Variants in TMOD3 observed in about 807,000 individuals in gnomAD.
The protein encoded by TMOD3 is tropomodulin-3.
Under a neutral mutation model 39.2 loss-of-function variants are expected in TMOD3, and 20 were observed. That is an observed-to-expected ratio of 0.51 (90% CI 0.36 to 0.74). The LOEUF is 0.74. Among genes scored for constraint, TMOD3 ranks in the 30% least tolerant of loss-of-function variants. TMOD3 has a pLI of 0.00. For synonymous variants in TMOD3, 143 were observed against 145.8 expected (o/e 0.98, Z 0.14); for missense variants, 381 against 412.8 (o/e 0.92, Z 0.67).
At chr15:51,873,663 C>T (rs1268008320) in intron 3 of TMOD3, among the ~76,000 whole-genome samples, 1 of 151,798 alleles carries the variant, frequency 6.6e-6, no homozygotes, top group Non-Finnish European at 1.5e-5. Flanking sequence ...ATAGTGAGCT[C>T]TCATCGTAAA....
chr15:51,860,850 T>G, intron 1 of TMOD3: 5 of 369,686 alleles, frequency 1.4e-5, no homozygotes, highest in South Asian at 2.1e-5. Flanking sequence ...ACAGGAGAAT[T>G]GCTTGAACCC....
intron 8 of TMOD3, among the ~76,000 whole-genome samples, 163 bp downstream of exon 8, chr15:51,900,461 C>G (rs560574815): frequency 2.6e-5 from 4 of 152,100 alleles, no homozygotes; most frequent in Non-Finnish European, 5.9e-5. Flanking sequence ...AATATTAACT[C>G]AGTGTATATA....
intron 3 of TMOD3, among the ~76,000 whole-genome samples, chr15:51,874,784 G>C (rs2056493289): frequency 6.6e-6 from 1 of 152,082 alleles, no homozygotes; most frequent in Non-Finnish European, 1.5e-5. Flanking sequence ...TTATTTCACG[G>C]ATGGACCAGA....
At position 51,912,478 on chromosome 15, in the gene TMOD3, G is replaced by A. The variant is rs940440423; in HGVS notation, c.*3668G>A. On this transcript the variant is annotated 3_prime_UTR_variant, in exon 10 of 10. Transcript: ENST00000308580. ...TATAAAATGTTACTCATATCATATT[G>A]TACGTTATATTTAACTCTTGCTGTC... 1 of 149,484 alleles carries A rather than the reference G, an allele frequency of 6.7e-6. No individual in the cohort carries two copies. Among genetic ancestry groups the A allele is most frequent in the African/African-American group, 2.5e-5 (1 of 40,520 alleles). The allele number at this position is 149,484 out of a possible 1,614,324, so 9.3% of individuals were successfully genotyped here. A position where few individuals can be genotyped will look rare whatever the true frequency, so the allele number is the denominator to read the frequency against.
intron 3 of TMOD3, among the ~76,000 whole-genome samples, chr15:51,877,892 G>GTT (rs918051724): frequency 6.8e-6 from 1 of 148,020 alleles, no homozygotes. Context: ...GCTTTCAGAA[G>GTT]TTTTTTTTTT....
At chr15:51,894,344 A>C (rs2056610405) in intron 6 of TMOD3, among the ~76,000 whole-genome samples, 1 of 152,166 alleles carries the variant, frequency 6.6e-6, no homozygotes, top group African/African-American at 2.4e-5. Context: ...TGAGCCCAAA[A>C]GTTTGAGACC....
At chr15:51,839,742 C>T (rs956759413) in intron 1 of TMOD3, among the ~76,000 whole-genome samples, 11 of 152,004 alleles carry the variant, frequency 7.2e-5, no homozygotes, top group Admixed American at 6.6e-5. Context: ...ATTTTTAATA[C>T]TTAAAATGAA....
chr15:51,900,981 A>G (rs1202868044), intron 8 of TMOD3: 1 of 152,188 alleles, frequency 6.6e-6, no homozygotes, highest in African/African-American at 2.4e-5. Context: ...AAGAAACCCC[A>G]TACCCATTAG....
intron 1 of TMOD3, among the ~76,000 whole-genome samples, chr15:51,839,179 C>G: frequency 1.8e-5 from 1 of 56,692 alleles, no homozygotes; most frequent in Non-Finnish European, 3.9e-5. Flanking sequence ...TTTTTTTTTT[C>G]CATTTTGTTT....
chr15:51,862,783 A>T, intron 1 of TMOD3, 28 bp from the exon 2 acceptor site: 1 of 1,187,830 alleles, frequency 8.4e-7, no homozygotes, highest in Non-Finnish European at 1.2e-6. Context: ...CTTACTATTT[A>T]AAATGTATTT....
chr15:51,876,261 T>TG (rs2141693406), intron 3 of TMOD3, among the ~76,000 whole-genome samples: 1 of 152,244 alleles, frequency 6.6e-6, no homozygotes, highest in Non-Finnish European at 1.5e-5. Context: ...CTCAAACTCT[T>TG]GGGCTCAGGT....
At chr15:51,878,178 T>C (rs1861217615) in intron 3 of TMOD3, among the ~76,000 whole-genome samples, 1 of 152,256 alleles carries the variant, frequency 6.6e-6, no homozygotes, top group South Asian at 2.1e-4. Flanking sequence ...GGCTCACCTC[T>C]GTTTTTCCCA....
intron 6 of TMOD3, among the ~76,000 whole-genome samples, chr15:51,894,430 A>G (rs1371433592): frequency 6.6e-6 from 1 of 152,262 alleles, no homozygotes; most frequent in Admixed American, 6.5e-5. Context: ...TTGAGGTAAA[A>G]TTTAAATATG....
At chr15:51,857,325 T>C (rs2056393095) in intron 1 of TMOD3, among the ~76,000 whole-genome samples, 1 of 152,232 alleles carries the variant, frequency 6.6e-6, no homozygotes, top group African/African-American at 2.4e-5. Context: ...AGTAATGTTT[T>C]CTCTTTTATG....
intron 2 of TMOD3, 93 bp downstream of exon 2, chr15:51,863,103 G>A: frequency 3.7e-6 from 5 of 1,340,478 alleles, no homozygotes; most frequent in Non-Finnish European, 5.1e-6. Context: ...CTTTTCTCTG[G>A]CACCTTCCAC....
At chr15:51,839,082 CAGAAGGAAG>C (rs2056300324) in intron 1 of TMOD3, among the ~76,000 whole-genome samples, 1 of 151,408 alleles carries the variant, frequency 6.6e-6, no homozygotes, top group South Asian at 2.1e-4. Context: ...ATTTTGATGT[CAGAAGGAAG>C]TGACCATGCC....
rs369642650 is a variant in TMOD3, at chr15:51,893,958, A to C, written c.627+13A>C. On this transcript the variant is annotated intron_variant, in intron 6 of 9. Coordinates refer to ENST00000308580, the MANE Select transcript of TMOD3 (RefSeq NM_014547.5). ...GAATAATATAAAGGTAAGTGTGCTA[A>C]TCAGAGTGGTTTTGTATTGCTTTGA... The C allele has an allele frequency of 4.2e-5, 66 of 1,571,578 alleles. No individual in the cohort carries two copies. The highest frequency in any genetic ancestry group is 3.4e-4 in the Middle Eastern group (2 of 5,888).
intron 3 of TMOD3, among the ~76,000 whole-genome samples, chr15:51,875,782 AT>A (rs1281404725): frequency 2.0e-5 from 3 of 150,238 alleles, no homozygotes; most frequent in South Asian, 2.1e-4. Context: ...TGCCCAGCTA[AT>A]TTTTTTTTGT....
Position 51,875,491 on chromosome 15 carries a change from C to T in TMOD3, c.283+6118C>T, listed in dbSNP as rs189763938. Among the ~76,000 whole-genome samples the T allele has an allele frequency of 5.2e-4, 79 of 152,104 alleles. No individual in the cohort carries two copies. In the East Asian group the frequency reaches 0.011, roughly 22 times the overall value. ...TGGGGTGAGGAGTTAGCCAGATGGA[C>T]GGCTTGTTACTCATGTTAACCGGTT... On this transcript the variant is annotated intron_variant, in intron 3 of 9. Transcript: ENST00000308580.
Sources: gnomAD v4.1 joint callset for allele counts (sites outside exome capture counted in the v4.1 genomes callset) on GRCh38, gnomAD v4.1.1 for gene constraint, MANE v1.5 for transcripts, NCBI Gene and HGNC (gene_info 2026-07-23, HGNC 2026-07-21) for gene names.